OSBPL1A: variants seen among roughly 807,000 people sequenced by gnomAD.
The protein encoded by OSBPL1A is oxysterol-binding protein-related protein 1.
A neutral mutation model predicts 137.1 loss-of-function variants in OSBPL1A; 80 were observed. That is an observed-to-expected ratio of 0.58 (90% CI 0.49 to 0.70). The LOEUF (loss-of-function observed/expected upper bound fraction) is 0.70, where lower values mean the gene tolerates loss of function less well. OSBPL1A is among the 30% of genes least tolerant of loss of function. The pLI is 0.00. For missense variants in OSBPL1A, 970 were observed against 1,129.4 expected (o/e 0.86, Z 2.02); for synonymous variants, 365 against 389.7 (o/e 0.94, Z 0.75).
intron 4 of OSBPL1A, among the ~76,000 whole-genome samples, chr18:24,361,282 G>A (rs555491255): frequency 4.6e-5 from 7 of 152,250 alleles, no homozygotes; most frequent in Admixed American, 3.3e-4. Flanking sequence ...CTGCCTCAGC[G>A]CCCCAAAGTG....
At chr18:24,308,220 A>G (rs1442115706) in intron 13 of OSBPL1A, among the ~76,000 whole-genome samples, 1 of 149,800 alleles carries the variant, frequency 6.7e-6, no homozygotes, top group African/African-American at 2.5e-5. Context: ...GGCTCAGGTG[A>G]TCCTCCCACC....
intron 18 of OSBPL1A, among the ~76,000 whole-genome samples, chr18:24,188,766 A>C (rs1377197007): frequency 1.3e-5 from 2 of 152,174 alleles, no homozygotes; most frequent in Non-Finnish European, 2.9e-5. Flanking sequence ...CAATTATTTC[A>C]ATTGCTAAAA....
At chr18:24,234,742 A>C (rs1025016197) in intron 16 of OSBPL1A, among the ~76,000 whole-genome samples, 2 of 152,278 alleles carry the variant, frequency 1.3e-5, no homozygotes, top group Non-Finnish European at 2.9e-5. Context: ...ACTTTTTAAA[A>C]GATTAAACAT....
chr18:24,254,123 C>T (rs2089194623), intron 15 of OSBPL1A, among the ~76,000 whole-genome samples: 1 of 152,138 alleles, frequency 6.6e-6, no homozygotes. Flanking sequence ...TCATAATTTC[C>T]TCAGTTATAA....
chr18:24,261,452 T>A (rs1293638556), intron 15 of OSBPL1A, among the ~76,000 whole-genome samples: 1 of 152,220 alleles, frequency 6.6e-6, no homozygotes, highest in Non-Finnish European at 1.5e-5. Flanking sequence ...AATGATAGCA[T>A]TTAGCAATAG....
chr18:24,264,429 C>A (rs1352104524), intron 15 of OSBPL1A, among the ~76,000 whole-genome samples: 1 of 152,042 alleles, frequency 6.6e-6, no homozygotes, highest in Non-Finnish European at 1.5e-5. Flanking sequence ...GGGTGTAACG[C>A]CAACTTATAA....
chr18:24,317,523 A>G, intron 9 of OSBPL1A, 123 bp from the exon 10 acceptor site: 1 of 550,730 alleles, frequency 1.8e-6, no homozygotes. Flanking sequence ...CTGAACAGTA[A>G]AAAAAAATGA....
chr18:24,205,101 A>G (rs937996446), intron 17 of OSBPL1A, among the ~76,000 whole-genome samples: 2 of 152,194 alleles, frequency 1.3e-5, no homozygotes, highest in African/African-American at 4.8e-5. Context: ...ACCTCATTTA[A>G]TCCTCAAAGT....
At chr18:24,240,541 A>C (rs2088659758) in intron 15 of OSBPL1A, among the ~76,000 whole-genome samples, 1 of 152,100 alleles carries the variant, frequency 6.6e-6, no homozygotes, top group Non-Finnish European at 1.5e-5. Flanking sequence ...TTCTGGAGCC[A>C]ATGTGCACTA....
chr18:24,359,904 C>A (rs1223090998), intron 4 of OSBPL1A, among the ~76,000 whole-genome samples: 1 of 152,060 alleles, frequency 6.6e-6, no homozygotes, highest in African/African-American at 2.4e-5. Context: ...CACTAGGGGG[C>A]ACTAATGTAC....
intron 15 of OSBPL1A, among the ~76,000 whole-genome samples, chr18:24,255,189 TC>T (rs1005063608): frequency 6.6e-6 from 1 of 151,966 alleles, no homozygotes; most frequent in African/African-American, 2.4e-5. Context: ...ATAACAAGTA[TC>T]TAGATAAAAG....
chr18:24,253,437 C>T (rs1055080698), intron 15 of OSBPL1A, among the ~76,000 whole-genome samples: 2 of 152,132 alleles, frequency 1.3e-5, no homozygotes, highest in African/African-American at 4.8e-5. Context: ...ATTGTGTAAC[C>T]GCCCAATGGG....
intron 4 of OSBPL1A, 31 bp downstream of exon 4, chr18:24,366,861 T>C (rs749417028): frequency 6.3e-7 from 1 of 1,596,932 alleles, no homozygotes; most frequent in East Asian, 2.3e-5. Flanking sequence ...AATACCTCAC[T>C]TACAAACATT....
At position 24,238,904 on chromosome 18, in the gene OSBPL1A, C is replaced by T. The variant is rs1450744408; in HGVS notation, c.1444+316G>A. Among the ~76,000 whole-genome samples the T allele has an allele frequency of 5.9e-5, 9 of 152,290 alleles. No homozygotes were observed. In the South Asian group the frequency reaches 1.7e-3, roughly 28 times the overall value. ...TCTCTCCTTACAATATGTGCTAATGCCTGGCACTAGGAAATGGTCACCCAG... is the reference window on the plus strand; with the variant it reads ...TCTCTCCTTACAATATGTGCTAATGTCTGGCACTAGGAAATGGTCACCCAG... On this transcript the variant is annotated intron_variant, in intron 16 of 27. Transcript: ENST00000319481.
intron 2 of OSBPL1A, among the ~76,000 whole-genome samples, chr18:24,372,195 A>G (rs1905701916): frequency 1.3e-5 from 2 of 151,592 alleles, no homozygotes; most frequent in South Asian, 4.2e-4. Context: ...GGATCACTTG[A>G]GCCTGGGAGT....
intron 19 of OSBPL1A, among the ~76,000 whole-genome samples, chr18:24,180,605 TG>T (rs1318374430): frequency 6.6e-6 from 1 of 152,142 alleles, no homozygotes; most frequent in African/African-American, 2.4e-5. Flanking sequence ...CCGGGCACGG[TG>T]GCTCATGCCT....
chr18:24,197,615 A>G (rs999862407), intron 17 of OSBPL1A, among the ~76,000 whole-genome samples: 2 of 152,144 alleles, frequency 1.3e-5, no homozygotes, highest in African/African-American at 4.8e-5. Context: ...ATAAGTGGCC[A>G]CAGATGGTAT....
At chr18:24,290,719 C>CACA (rs1441962095) in intron 14 of OSBPL1A, among the ~76,000 whole-genome samples, 1 of 151,960 alleles carries the variant, frequency 6.6e-6, no homozygotes, top group African/African-American at 2.4e-5. Context: ...TAAAACAAAA[C>CACA]ACAACAACAA....
At chr18:24,277,286 T>TAA (rs138587240) in intron 15 of OSBPL1A, among the ~76,000 whole-genome samples, 31 of 148,226 alleles carry the variant, frequency 2.1e-4, no homozygotes, top group Admixed American at 6.7e-4. Flanking sequence ...CAAGGGCTTG[T>TAA]AAAAAAAAAA....
Sources: allele counts gnomAD v4.1 joint callset (sites outside exome capture counted in the v4.1 genomes callset), GRCh38; gene constraint gnomAD v4.1.1; transcripts MANE v1.5; gene names NCBI Gene and HGNC (gene_info 2026-07-23, HGNC 2026-07-21).